The following AXDND1 variants were observed in gnomAD, a reference collection of about 807,000 sequenced individuals.
AXDND1 encodes axonemal dynein light chain domain-containing protein 1.
AXDND1 carries 110 observed loss-of-function variants against 137.5 expected under a neutral mutation model. The ratio of observed to expected loss-of-function variants is 0.80; its 90% confidence interval spans 0.69 to 0.94. AXDND1 has a LOEUF of 0.94. AXDND1 is among the 40% of genes least tolerant of loss of function. The probability of loss-of-function intolerance (pLI) is 0.00; values close to 1 mark genes in which losing one functional copy is unlikely to be tolerated. For synonymous variants in AXDND1, 414 were observed against 399.7 expected, an observed-to-expected ratio of 1.04 and a Z score of -0.43; for missense variants, 1,191 against 1,169.8, an observed-to-expected ratio of 1.02 and a Z score of -0.26.
At chr1:179,413,895 G>A (rs6695751) in intron 12 of AXDND1, among the ~76,000 whole-genome samples, 53,010 of 151,538 alleles carry the variant, frequency 0.35, 9,452 homozygotes, top group Middle Eastern at 0.44. Flanking sequence ...CTGCATCCTC[G>A]TCAACATCTG....
chr1:179,427,436 A>G (rs1231754528), intron 12 of AXDND1, among the ~76,000 whole-genome samples: 1 of 152,194 alleles, frequency 6.6e-6, no homozygotes. Context: ...AACTTTGAGC[A>G]TGTGTTATGT....
intron 12 of AXDND1, among the ~76,000 whole-genome samples, chr1:179,419,957 A>G (rs947630449): frequency 3.3e-5 from 5 of 152,066 alleles, no homozygotes; most frequent in African/African-American, 7.2e-5. Flanking sequence ...CTCTTGCCTA[A>G]TTGCTCTGTC....
chr1:179,402,819 T>C (rs1016321986), intron 11 of AXDND1, among the ~76,000 whole-genome samples: 1 of 152,224 alleles, frequency 6.6e-6, no homozygotes, highest in Admixed American at 6.5e-5. Context: ...CTTGCCATTA[T>C]CACTTGTGTC....
At position 179,553,912 on chromosome 1, in the gene AXDND1, AT is replaced by A. The variant is rs11422639; in HGVS notation, c.3032-582del. 1.8e-3 allele frequency among the ~76,000 whole-genome samples: 231 copies of A among 131,838 alleles called. 3 individuals carry two copies. Among genetic ancestry groups the A allele is most frequent in the African/African-American group, 1.6e-3 (55 of 34,200 alleles). 86.5% of individuals were successfully genotyped at this position (131,838 alleles called of 152,430 possible). ...AGGCATTTGCCAACACCCCTGGCTA[AT>A]TTTTTTTTTTTTTTTTTGAGATCGA... On this transcript the variant is annotated intron_variant, in intron 25 of 25. Transcript: ENST00000367618.
intron 4 of AXDND1, among the ~76,000 whole-genome samples, chr1:179,374,368 C>G (rs1037532133): frequency 3.2e-4 from 49 of 152,172 alleles, no homozygotes; most frequent in African/African-American, 1.2e-3. Context: ...CGCTTTTACA[C>G]TGTTGGTGGG....
intron 4 of AXDND1, among the ~76,000 whole-genome samples, chr1:179,377,885 G>A (rs765207379): frequency 4.6e-5 from 7 of 152,098 alleles, no homozygotes; most frequent in Non-Finnish European, 8.8e-5. Context: ...ATAATAACAT[G>A]ACAGCGGCCG....
chr1:179,430,423 TA>T, intron 13 of AXDND1, 28 bp from the exon 14 acceptor site: 1 of 1,539,546 alleles, frequency 6.5e-7, no homozygotes, highest in Non-Finnish European at 8.8e-7. Context: ...TAAATGAATA[TA>T]TTATTTGATT....
At chr1:179,449,007 C>T (rs1037764526) in intron 16 of AXDND1, 2 of 331,214 alleles carry the variant, frequency 6.0e-6, no homozygotes, top group Non-Finnish European at 6.0e-6. Flanking sequence ...CCACCTCAAC[C>T]TCTGAGTAGC....
intron 17 of AXDND1, among the ~76,000 whole-genome samples, chr1:179,478,930 A>G (rs1664972894): frequency 3.3e-5 from 5 of 151,286 alleles, no homozygotes; most frequent in Admixed American, 1.3e-4. Context: ...GTGAAACTCA[A>G]TCTCTACTAA....
intron 16 of AXDND1, among the ~76,000 whole-genome samples, chr1:179,467,940 A>G (rs1663427403): frequency 6.6e-6 from 1 of 152,202 alleles, no homozygotes; most frequent in Admixed American, 6.5e-5. Context: ...CTGGACCCAC[A>G]TTAGGATCCA....
chr1:179,509,973 C>T (rs1046574509), intron 21 of AXDND1, among the ~76,000 whole-genome samples: 2 of 152,152 alleles, frequency 1.3e-5, no homozygotes, highest in Non-Finnish European at 2.9e-5. Context: ...ACTATAAGGT[C>T]ACCAGTGATT....
At chr1:179,449,635 A>G (rs377379963) in intron 16 of AXDND1, 1 of 152,102 alleles carries the variant, frequency 6.6e-6, no homozygotes, top group Non-Finnish European at 1.5e-5. Flanking sequence ...AAGTCTTCCA[A>G]TCTATAAACA....
At position 179,511,422 on chromosome 1, in the gene AXDND1, G is replaced by A. The variant is rs955130255; in HGVS notation, c.2496+2019G>A. 1.8e-3 allele frequency among the ~76,000 whole-genome samples: 264 copies of A among 149,508 alleles called. 3 individuals are homozygous for A. The highest frequency in any genetic ancestry group is 2.2e-3 in the Non-Finnish European group (147 of 67,236). ...TGTGTGTGTGTGTGTGTGTGTGTGT[G>A]TATATGTATATACACCACAGATTTT... On this transcript the variant is annotated intron_variant, in intron 21 of 25. Coordinates refer to ENST00000367618, the MANE Select transcript of AXDND1 (RefSeq NM_144696.6).
chr1:179,530,309 G>A (rs1017273880), intron 23 of AXDND1, among the ~76,000 whole-genome samples: 13 of 152,148 alleles, frequency 8.5e-5, no homozygotes, highest in Non-Finnish European at 1.9e-4. Flanking sequence ...GATTACAGGC[G>A]TGAGCCACCA....
chr1:179,386,736 T>A (rs1276580021), intron 9 of AXDND1, among the ~76,000 whole-genome samples: 2 of 152,096 alleles, frequency 1.3e-5, no homozygotes, highest in Admixed American at 1.3e-4. Flanking sequence ...CTATTCTTAT[T>A]ATTTTTGACA....
At chr1:179,439,401 G>A (rs1658659701) in intron 15 of AXDND1, among the ~76,000 whole-genome samples, 1 of 152,202 alleles carries the variant, frequency 6.6e-6, no homozygotes, top group South Asian at 2.1e-4. Context: ...AGTCCTTCCA[G>A]TGGAAGGTAT....
chr1:179,484,523 C>T (rs1004833106), intron 18 of AXDND1, among the ~76,000 whole-genome samples: 2 of 152,100 alleles, frequency 1.3e-5, no homozygotes, highest in African/African-American at 4.8e-5. Context: ...TGAGGTGCCT[C>T]CCAGGGGCCT....
At chr1:179,411,125 G>A in intron 11 of AXDND1, 21 bp from the exon 12 acceptor site, 1 of 1,508,136 alleles carries the variant, frequency 6.6e-7, no homozygotes. Flanking sequence ...AAATGAAGCT[G>A]TTTCTTAATT....
chr1:179,491,782 C>T lies in AXDND1; in HGVS notation c.2291+45C>T, dbSNP rs775061787. The T allele has an allele frequency of 4.4e-5, 63 of 1,446,356 alleles. 2 individuals are homozygous for T. In the South Asian group the frequency reaches 6.5e-4, roughly 15 times the overall value. The allele number at this position is 1,446,356 out of a possible 1,614,324, so 89.6% of individuals were successfully genotyped here. ...GTTGCCCTTTTGAAGAATTGAATGT[C>T]GCATATAACAGAGAAGAGACAGTGA... On this transcript the variant is annotated intron_variant, in intron 19 of 25. Coordinates refer to ENST00000367618, the MANE Select transcript of AXDND1 (RefSeq NM_144696.6).
Sources: gnomAD v4.1 joint callset for allele counts (sites outside exome capture counted in the v4.1 genomes callset) on GRCh38, gnomAD v4.1.1 for gene constraint, MANE v1.5 for transcripts, NCBI Gene and HGNC (gene_info 2026-07-23, HGNC 2026-07-21) for gene names.